ZFR: variants seen among roughly 807,000 people sequenced by gnomAD.
ZFR encodes the protein zinc finger RNA binding protein, also known as zinc finger RNA-binding protein.
In ZFR, 19 loss-of-function variants were observed where a neutral mutation model predicts 130.7. The ratio of observed to expected loss-of-function variants is 0.15; its 90% CI spans 0.10 to 0.21. The LOEUF is 0.21. ZFR is among the 10% of genes least tolerant of loss of function. The probability of loss-of-function intolerance (pLI) is 1.00; values close to 1 mark genes in which losing one functional copy is unlikely to be tolerated. For missense variants in ZFR, 872 were observed against 1,321.5 expected (o/e 0.66, Z 5.27); for synonymous variants, 466 against 456.9 (o/e 1.02, Z -0.25).
rs570796606 is a variant in ZFR, at chr5:32,441,275, C to G, written c.137+2954G>C. On this transcript the variant is annotated intron_variant, in intron 2 of 19. Transcript: ENST00000265069. ...TACAGGCGTGAGCCACCACGCCTGG[C>G]CTCTGGAATTACATTTAGGTGTAGG... Among the ~76,000 whole-genome samples the G allele has an allele frequency of 1.8e-4, 28 of 152,308 alleles. 1 individual carries two copies. The East Asian group carries it at 5.2e-3, about 28-fold the overall frequency.
intron 2 of ZFR, among the ~76,000 whole-genome samples, chr5:32,425,585 T>C (rs1754055065): frequency 6.6e-6 from 1 of 152,252 alleles, no homozygotes; most frequent in South Asian, 2.1e-4. Flanking sequence ...TGGAGTGCAG[T>C]GGCACAATCT....
At chr5:32,375,470 A>G (rs909022075) in intron 17 of ZFR, among the ~76,000 whole-genome samples, 1 of 152,202 alleles carries the variant, frequency 6.6e-6, no homozygotes, top group African/African-American at 2.4e-5. Flanking sequence ...AAATAGAAAA[A>G]CAAGTATTGG....
chr5:32,375,597 C>G (rs1286915283), intron 17 of ZFR, among the ~76,000 whole-genome samples: 1 of 152,040 alleles, frequency 6.6e-6, no homozygotes, highest in Non-Finnish European at 1.5e-5. Context: ...GTAGACTTGA[C>G]CTGGGCTCAA....
At chr5:32,416,460 C>T (rs1164681816) in intron 4 of ZFR, among the ~76,000 whole-genome samples, 2 of 151,842 alleles carry the variant, frequency 1.3e-5, no homozygotes, top group African/African-American at 4.8e-5. Flanking sequence ...ACTAAAAATA[C>T]AGAATTAGCT....
intron 2 of ZFR, among the ~76,000 whole-genome samples, chr5:32,439,998 A>G (rs184847006): frequency 7.2e-5 from 11 of 152,222 alleles, no homozygotes; most frequent in Admixed American, 4.6e-4. Flanking sequence ...AAAAAAAATG[A>G]TTTTTGATCC....
chr5:32,429,996 T>C (rs1439691205), intron 2 of ZFR, among the ~76,000 whole-genome samples: 1 of 148,216 alleles, frequency 6.7e-6, no homozygotes, highest in Non-Finnish European at 1.5e-5. Flanking sequence ...AGGTTGAGGC[T>C]GCTGTGAGCT....
chr5:32,413,224 AAAACAAAACAAAAC>A lies in ZFR; in HGVS notation c.784+1731_784+1744del, dbSNP rs1561905838. Among the ~76,000 whole-genome samples, 52 of 139,080 alleles carry A rather than the reference AAAACAAAACAAAAC, an allele frequency of 3.7e-4. 1 individual carries two copies. The highest frequency in any genetic ancestry group is 1.4e-3 in the African/African-American group (50 of 35,430). The allele number at this position is 139,080 out of a possible 152,430, so 91.2% of individuals were successfully genotyped here. A position where few individuals can be genotyped will look rare whatever the true frequency, so the allele number is the denominator to read the frequency against. ...AACAAAACAAAACAAAACAAAAAACAAAACAAAACAAAACAAAAAAAACCTGATATAAAAAGTTG... is the reference window on the plus strand; with the variant it reads ...AACAAAACAAAACAAAACAAAAAACAAAAAAAAACCTGATATAAAAAGTTG... On this transcript the variant is annotated intron_variant, in intron 5 of 19. Coordinates refer to ENST00000265069, the MANE Select transcript of ZFR (RefSeq NM_016107.5).
intron 17 of ZFR, among the ~76,000 whole-genome samples, chr5:32,370,149 AATCCTGGGCTCAAG>A (rs1044657770): frequency 2.0e-5 from 3 of 150,746 alleles, no homozygotes; most frequent in African/African-American, 7.3e-5. Context: ...CTGGCCTCAA[AATCCTGGGCTCAAG>A]AGATCCTCTT....
intron 14 of ZFR, 24 bp from the exon 15 acceptor site, chr5:32,385,673 A>G (rs760444796): frequency 1.2e-6 from 2 of 1,610,304 alleles, no homozygotes; most frequent in South Asian, 2.2e-5. Context: ...ATGATAAGAA[A>G]CAAATTGGAT....
chr5:32,389,315 G>A (rs535519276), intron 12 of ZFR, among the ~76,000 whole-genome samples: 1 of 152,082 alleles, frequency 6.6e-6, no homozygotes, highest in African/African-American at 2.4e-5. Context: ...CTAAGCCACT[G>A]GTAATGGAAA....
intron 2 of ZFR, among the ~76,000 whole-genome samples, chr5:32,435,303 G>C (rs906985409): frequency 2.0e-5 from 3 of 152,180 alleles, no homozygotes; most frequent in Admixed American, 1.3e-4. Flanking sequence ...TATTCACACT[G>C]AGTGAGATGG....
intron 15 of ZFR, among the ~76,000 whole-genome samples, chr5:32,381,876 A>T (rs980612224): frequency 3.9e-5 from 6 of 152,216 alleles, no homozygotes; most frequent in Non-Finnish European, 1.5e-5. Context: ...TCAAGACAAA[A>T]ATATTAGTTC....
chr5:32,356,685 C>T (rs62360817), intron 19 of ZFR, among the ~76,000 whole-genome samples: 7 of 152,046 alleles, frequency 4.6e-5, no homozygotes, highest in African/African-American at 1.2e-4. Context: ...TCCCAAAGTT[C>T]TGGGATTACA....
At chr5:32,389,358 A>T (rs546821914) in intron 12 of ZFR, among the ~76,000 whole-genome samples, 67 of 152,292 alleles carry the variant, frequency 4.4e-4, no homozygotes, top group African/African-American at 1.4e-3. Flanking sequence ...TTAAAAAAAA[A>T]TTTTTATAGA....
At position 32,399,999 on chromosome 5, in the gene ZFR, T is replaced by C. The variant is rs777835944; in HGVS notation, c.1713+8A>G. ...ATTTCACAGCAATGGTATTCTCAAA[T>C]CAATTACCTCTTCCACATAATCATG... On this transcript the variant is annotated splice_region_variant and intron_variant, in intron 9 of 19. Coordinates refer to ENST00000265069, the MANE Select transcript of ZFR (RefSeq NM_016107.5). 5.7e-6 allele frequency: 9 copies of C among 1,591,984 alleles called. No homozygotes were observed. The highest frequency in any genetic ancestry group is 1.3e-5 in the African/African-American group (1 of 74,348).
intron 2 of ZFR, among the ~76,000 whole-genome samples, chr5:32,443,883 G>A (rs746816786): frequency 5.3e-5 from 8 of 152,226 alleles, no homozygotes; most frequent in Non-Finnish European, 1.2e-4. Context: ...GCGGAGGCGG[G>A]GACTGGGGGG....
intron 4 of ZFR, among the ~76,000 whole-genome samples, 176 bp from the exon 5 acceptor site, chr5:32,415,363 T>C (rs1249120137): frequency 6.6e-6 from 1 of 152,140 alleles, no homozygotes; most frequent in African/African-American, 2.4e-5. Flanking sequence ...GAATAGAATA[T>C]ACAAATAAAT....
rs1752580583 is a variant in ZFR, at chr5:32,367,830, C to G, written c.2836-3555G>C. 7.2e-5 allele frequency among the ~76,000 whole-genome samples: 11 copies of G among 152,154 alleles called. 1 individual carries two copies. The South Asian group carries it at 2.3e-3, about 32-fold the overall frequency. On this transcript the variant is annotated intron_variant, in intron 17 of 19. Coordinates refer to ENST00000265069, the MANE Select transcript of ZFR (RefSeq NM_016107.5). ...CTCTTAGTAAGTGGCAGGCACCATGCTAAATGATCACTTATATGCATAATT... is the reference window on the plus strand; with the variant it reads ...CTCTTAGTAAGTGGCAGGCACCATGGTAAATGATCACTTATATGCATAATT...
At chr5:32,382,619 TTTTC>T (rs1285811088) in intron 15 of ZFR, among the ~76,000 whole-genome samples, 1 of 152,190 alleles carries the variant, frequency 6.6e-6, no homozygotes, top group Non-Finnish European at 1.5e-5. Flanking sequence ...TGCAATTTTT[TTTTC>T]TTTGAGATGG....
Sources: allele counts gnomAD v4.1 joint callset (sites outside exome capture counted in the v4.1 genomes callset), GRCh38; gene constraint gnomAD v4.1.1; transcripts MANE v1.5; gene names NCBI Gene and HGNC (gene_info 2026-07-23, HGNC 2026-07-21).